The following NAV1 variants were observed in gnomAD, a reference collection of about 807,000 sequenced individuals.
The protein encoded by NAV1 is pore membrane and/or filament interacting like protein 3.
NAV1 carries 18 observed loss-of-function variants against 175.2 expected under a neutral mutation model. The observed-to-expected ratio is 0.10, with a 90% CI of 0.07 to 0.15. NAV1 has a LOEUF of 0.15. Ranked by LOEUF, NAV1 falls within the 10% of genes least tolerant of loss-of-function variation. The pLI is 1.00. For synonymous variants in NAV1, 897 were observed against 978.7 expected, an observed-to-expected ratio of 0.92 and a Z score of 1.56; for missense variants, 1,731 against 2,436.6, an observed-to-expected ratio of 0.71 and a Z score of 6.10.
At chr1:201,606,421 T>C (rs16849132) in intron 2 of NAV1, among the ~76,000 whole-genome samples, 5,792 of 152,248 alleles carry the variant, frequency 0.038, 193 homozygotes, top group African/African-American at 0.086. Flanking sequence ...GCTGGCACTT[T>C]CCTCACTACT....
chr1:201,620,061 C>A (rs1338856418), upstream of NAV1, among the ~76,000 whole-genome samples: 1 of 152,202 alleles, frequency 6.6e-6, no homozygotes, highest in Non-Finnish European at 1.5e-5. Context: ...CTCTCATGGT[C>A]ACTTCAGACT....
chr1:201,779,901 C>G (rs574802091), intron 3 of NAV1, among the ~76,000 whole-genome samples: 1 of 152,134 alleles, frequency 6.6e-6, no homozygotes, highest in South Asian at 2.1e-4. Context: ...AGGACCCGAT[C>G]CCAGGATAGG....
At position 201,787,742 on chromosome 1, in the gene NAV1, G is replaced by GC; in HGVS notation, c.2996-725dup. The GC allele has an allele frequency of 2.2e-6, 1 of 455,936 alleles. No individual in the cohort carries two copies. Among genetic ancestry groups the GC allele is most frequent in the Non-Finnish European group, 4.4e-6 (1 of 226,792 alleles). 28.2% of individuals were successfully genotyped at this position (455,936 alleles called of 1,614,324 possible). A position where few individuals can be genotyped will look rare whatever the true frequency, so the allele number is the denominator to read the frequency against. On this transcript the variant is annotated intron_variant, in intron 9 of 29. Coordinates refer to ENST00000367296, the Ensembl canonical transcript of NAV1. This position sits in a 1 kb window ranked among gnomAD's most constrained non-coding sequence, Gnocchi z 4.3. ...CCTTGTGGGTATGAAACCCTGAAAG[G>GC]CTGTAATCCCAGCAATGGGCAAAGG...
intron 3 of NAV1, among the ~76,000 whole-genome samples, chr1:201,741,770 C>G (rs1161890956): frequency 6.6e-6 from 1 of 152,172 alleles, no homozygotes; most frequent in African/African-American, 2.4e-5. Flanking sequence ...CTCATTCTTT[C>G]TTTTGAATTG....
intron 1 of NAV1, among the ~76,000 whole-genome samples, chr1:201,585,146 C>T (rs1666987004): frequency 1.3e-5 from 2 of 152,220 alleles, no homozygotes; most frequent in South Asian, 2.1e-4. Flanking sequence ...GCCCTCATCC[C>T]TGAAGTCAGG....
At chr1:201,734,431 A>AGAG (rs1439108593) in intron 3 of NAV1, among the ~76,000 whole-genome samples, 2 of 142,048 alleles carry the variant, frequency 1.4e-5, no homozygotes, top group Non-Finnish European at 3.1e-5. Flanking sequence ...AAGAAGAAGA[A>AGAG]GAGGAAGAAG....
intron 1 of NAV1, among the ~76,000 whole-genome samples, chr1:201,543,550 G>T (rs1665579230): frequency 6.6e-6 from 1 of 151,182 alleles, no homozygotes. Flanking sequence ...CCTGTAAAAA[G>T]ACAACAAAAT....
At chr1:201,558,832 A>C (rs979749217) in intron 1 of NAV1, among the ~76,000 whole-genome samples, 7 of 152,224 alleles carry the variant, frequency 4.6e-5, no homozygotes, top group African/African-American at 1.7e-4. Flanking sequence ...CAGGGAAGGA[A>C]TCAAAAGCAA....
chr1:201,760,220 C>T lies in NAV1; in HGVS notation c.1227-20201C>T, dbSNP rs529149286. Among the ~76,000 whole-genome samples, 6 of 152,308 alleles carry T rather than the reference C, an allele frequency of 3.9e-5. No individual in the cohort carries two copies. The East Asian group carries it at 1.2e-3, about 29-fold the overall frequency. ...GTGGTTCACGCCTGTAATCCCAGCA[C>T]TTTGGGAGGCCCAGGCGGGTGGATC... On this transcript the variant is annotated intron_variant, in intron 3 of 29. Coordinates refer to ENST00000367296, the Ensembl canonical transcript of NAV1.
exon 7 of NAV1, chr1:201,783,613 C>T (rs141680056): frequency 1.4e-4 from 225 of 1,614,110 alleles, no homozygotes; most frequent in Non-Finnish European, 1.7e-4. Flanking sequence ...ACTCAGCCAG[C>T]TTCTCCCAGG....
intron 1 of NAV1, among the ~76,000 whole-genome samples, chr1:201,573,926 C>A (rs929482586): frequency 6.6e-6 from 1 of 152,016 alleles, no homozygotes. Flanking sequence ...CACGGTGGCA[C>A]GTGCCTGTAG....
intron 1 of NAV1, among the ~76,000 whole-genome samples, chr1:201,677,702 A>T (rs1571878916): frequency 1.3e-5 from 2 of 152,098 alleles, no homozygotes; most frequent in African/African-American, 4.8e-5. Flanking sequence ...ATCTCCGCTC[A>T]CTGCAACCTT....
intron 3 of NAV1, among the ~76,000 whole-genome samples, chr1:201,774,914 G>A (rs2102685826): frequency 6.6e-6 from 1 of 152,346 alleles, no homozygotes; most frequent in South Asian, 2.1e-4. Context: ...TGGCAAGTAT[G>A]AACTGGTGGA....
intron 2 of NAV1, among the ~76,000 whole-genome samples, 107 bp downstream of exon 2, chr1:201,588,756 T>C (rs1414574564): frequency 1.3e-5 from 2 of 152,158 alleles, no homozygotes; most frequent in East Asian, 3.9e-4. Context: ...GTTTCTTTTG[T>C]TGATGGTGAA....
intron 3 of NAV1, among the ~76,000 whole-genome samples, chr1:201,763,421 T>C (rs1430532533): frequency 6.6e-6 from 1 of 152,242 alleles, no homozygotes; most frequent in African/African-American, 2.4e-5. Context: ...TTTCACTCTT[T>C]GAAGGATTTC....
At chr1:201,624,407 G>A (rs374177038) in intron 1 of NAV1, among the ~76,000 whole-genome samples, 3 of 141,692 alleles carry the variant, frequency 2.1e-5, no homozygotes, top group African/African-American at 5.4e-5. Flanking sequence ...ACAGTGGTGC[G>A]ATCTCGGCTC....
At chr1:201,742,919 G>A (rs1049978985) in intron 3 of NAV1, among the ~76,000 whole-genome samples, 8 of 152,164 alleles carry the variant, frequency 5.3e-5, no homozygotes, top group African/African-American at 1.9e-4. Context: ...TTAATCAGCA[G>A]AAGGCATCTT....
exon 1 of NAV1, chr1:201,648,392 G>T: frequency 8.9e-7 from 1 of 1,127,994 alleles, no homozygotes; most frequent in Non-Finnish European, 1.1e-6. Context: ...CCGCCGCCCC[G>T]CCCCTTTTCC....
rs1673316167 is a variant in NAV1, at chr1:201,740,163, C to T, written c.1226+21408C>T. On this transcript the variant is annotated intron_variant, in intron 3 of 29. Coordinates refer to ENST00000367296, the Ensembl canonical transcript of NAV1. This position sits in a 1 kb window ranked among gnomAD's most constrained non-coding sequence, Gnocchi z 4.7. ...CACCCCCAGCCCCGCCGCAGCCCCC[C>T]AGTTCCGCCGCAGCTGCAGTCTCAG... 1 of 1,122,820 alleles carries T rather than the reference C, an allele frequency of 8.9e-7. No individual in the cohort carries two copies. Among genetic ancestry groups the T allele is most frequent in the African/African-American group, 1.6e-5 (1 of 61,132 alleles). The allele number at this position is 1,122,820 out of a possible 1,614,324, so 69.6% of individuals were successfully genotyped here.
Sources: gnomAD v4.1 joint callset for allele counts (sites outside exome capture counted in the v4.1 genomes callset) on GRCh38, gnomAD v4.1.1 for gene constraint, Gnocchi (gnomAD v3.1) non-coding constraint, MANE v1.5 for transcripts, NCBI Gene and HGNC (gene_info 2026-07-23, HGNC 2026-07-21) for gene names.